CPA3: variants seen among roughly 807,000 people sequenced by gnomAD.
The protein encoded by CPA3 is mast cell carboxypeptidase A.
A neutral mutation model predicts 55.8 loss-of-function variants in CPA3; 52 were observed. That is an observed-to-expected ratio of 0.93 (90% confidence interval 0.75 to 1.17). The LOEUF (loss-of-function observed/expected upper bound fraction) is 1.17, where lower values mean the gene tolerates loss of function less well. CPA3 is among the 50% of genes most tolerant of loss of function. CPA3 has a pLI of 0.00. For missense variants in CPA3, 547 were observed against 509.1 expected, an observed-to-expected ratio of 1.07 and a Z score of -0.72; for synonymous variants, 179 against 171.2, an observed-to-expected ratio of 1.05 and a Z score of -0.36.
chr3:148,890,147 G>A (rs1263178097), intron 10 of CPA3, among the ~76,000 whole-genome samples: 2 of 152,062 alleles, frequency 1.3e-5, no homozygotes, highest in African/African-American at 4.8e-5. Flanking sequence ...GAGTTAAAAT[G>A]GTATACCTAC....
chr3:148,880,531 C>A (rs903375329), intron 6 of CPA3, among the ~76,000 whole-genome samples: 5 of 152,038 alleles, frequency 3.3e-5, no homozygotes, highest in African/African-American at 4.8e-5. Context: ...TGGATTTTGC[C>A]ATGTTGGCCA....
chr3:148,867,003 G>A (rs531351623), intron 2 of CPA3, among the ~76,000 whole-genome samples: 2 of 152,048 alleles, frequency 1.3e-5, no homozygotes, highest in East Asian at 1.9e-4. Flanking sequence ...TGATCCACCC[G>A]CCTCAGCCTC....
At chr3:148,873,060 A>T (rs1352709375) in intron 3 of CPA3, among the ~76,000 whole-genome samples, 2 of 139,982 alleles carry the variant, frequency 1.4e-5, no homozygotes, top group African/African-American at 2.7e-5. Context: ...ACACACACAC[A>T]CTCACACAGA....
At chr3:148,877,859 G>A (rs1369770966) in intron 3 of CPA3, among the ~76,000 whole-genome samples, 4 of 152,130 alleles carry the variant, frequency 2.6e-5, no homozygotes, top group Non-Finnish European at 5.9e-5. Flanking sequence ...TATAAGGTAT[G>A]ATCTGTAGAT....
At chr3:148,866,434 C>T (rs1285592116) in intron 2 of CPA3, among the ~76,000 whole-genome samples, 1 of 152,254 alleles carries the variant, frequency 6.6e-6, no homozygotes, top group Non-Finnish European at 1.5e-5. Flanking sequence ...AGTCTTGACT[C>T]CCACAAAGCC....
At chr3:148,870,951 T>C (rs188440790) in intron 3 of CPA3, among the ~76,000 whole-genome samples, 1 of 152,308 alleles carries the variant, frequency 6.6e-6, no homozygotes, top group East Asian at 1.9e-4. Context: ...CAGACTGGAG[T>C]GCAGTGGCGC....
chr3:148,878,281 T>C (rs1323364197), intron 3 of CPA3, among the ~76,000 whole-genome samples, 160 bp from the exon 4 acceptor site: 1 of 152,096 alleles, frequency 6.6e-6, no homozygotes, highest in Non-Finnish European at 1.5e-5. Context: ...GCCAGACACA[T>C]GATATGTCTA....
At chr3:148,893,819 A>G (rs1714740916) in intron 10 of CPA3, among the ~76,000 whole-genome samples, 3 of 152,258 alleles carry the variant, frequency 2.0e-5, no homozygotes, top group Non-Finnish European at 2.9e-5. Context: ...TTCCAGTGAC[A>G]GCAGATTTTT....
At chr3:148,874,726 C>T (rs1209717169) in intron 3 of CPA3, among the ~76,000 whole-genome samples, 11 of 152,172 alleles carry the variant, frequency 7.2e-5, no homozygotes, top group African/African-American at 2.7e-4. Flanking sequence ...CATCAGAACT[C>T]AGATCAGTCA....
At chr3:148,892,744 G>T (rs545146874) in intron 10 of CPA3, among the ~76,000 whole-genome samples, 1 of 151,998 alleles carries the variant, frequency 6.6e-6, no homozygotes, top group Admixed American at 6.6e-5. Context: ...TTGGGAGGCC[G>T]AGGTAGGCAG....
At chr3:148,889,398 C>T (rs1233403997) in intron 10 of CPA3, among the ~76,000 whole-genome samples, 1 of 152,050 alleles carries the variant, frequency 6.6e-6, no homozygotes, top group Non-Finnish European at 1.5e-5. Flanking sequence ...ACTGGGGGAG[C>T]ATTTTTTAAA....
At chr3:148,866,074 A>T (rs1257420710) in intron 2 of CPA3, among the ~76,000 whole-genome samples, 1 of 152,228 alleles carries the variant, frequency 6.6e-6, no homozygotes, top group Non-Finnish European at 1.5e-5. Context: ...GCTCCTATTT[A>T]TGTTGCACCA....
intron 8 of CPA3, 85 bp from the exon 9 acceptor site, chr3:148,883,528 C>T (rs1039354486): frequency 9.0e-7 from 1 of 1,109,904 alleles, no homozygotes; most frequent in Non-Finnish European, 1.3e-6. Flanking sequence ...TTAAAACATT[C>T]TGTGAATCTA....
intron 3 of CPA3, among the ~76,000 whole-genome samples, chr3:148,874,445 A>C (rs545269663): frequency 2.6e-5 from 4 of 152,156 alleles, no homozygotes; most frequent in Admixed American, 6.5e-5. Flanking sequence ...GTCTGTAATG[A>C]CCACCCAAAA....
In CPA3 at chr3:148,879,864, C is replaced by T. The variant is rs553767929; in HGVS notation, c.551C>T (p.Ala184Val). The change falls in exon 6 of 11, where the codon GCA (alanine) becomes GTA (valine). Residue 184 changes from alanine to valine, a missense_variant. By Grantham distance (64) the Ala-to-Val change is moderately conservative. Transcript: ENST00000296046. ...GIHAREWVSP[A>V]FCQWFVYQAT... ...CACGCACGAGAATGGGTCTCCCCAG[C>T]ATTCTGCCAGTGGTTTGTCTATCAG... 6.2e-7 allele frequency: 1 copy of T among 1,612,278 alleles called. No individual in the cohort carries two copies. The highest frequency in any genetic ancestry group is 8.5e-7 in the Non-Finnish European group (1 of 1,178,464).
At chr3:148,865,707 T>C (rs1713883857) in intron 2 of CPA3, among the ~76,000 whole-genome samples, 159 bp downstream of exon 2, 1 of 152,208 alleles carries the variant, frequency 6.6e-6, no homozygotes, top group South Asian at 2.1e-4. Flanking sequence ...ATACTTCACC[T>C]GTTCTGGTTT....
At chr3:148,875,122 G>C (rs1714171814) in intron 3 of CPA3, among the ~76,000 whole-genome samples, 1 of 152,172 alleles carries the variant, frequency 6.6e-6, no homozygotes, top group Non-Finnish European at 1.5e-5. Flanking sequence ...GTCACTCACT[G>C]CTTCCTTATT....
chr3:148,885,147 T>C (rs1714492915), intron 9 of CPA3, among the ~76,000 whole-genome samples: 1 of 152,066 alleles, frequency 6.6e-6, no homozygotes, highest in Non-Finnish European at 1.5e-5. Context: ...CCACCCTTCT[T>C]CCCTTGGTAT....
At chr3:148,883,953 T>TA in intron 9 of CPA3, 138 bp downstream of exon 9, 1 of 652,874 alleles carries the variant, frequency 1.5e-6, no homozygotes, top group South Asian at 1.9e-5. Flanking sequence ...GCCTTGAAGT[T>TA]AAAATCATGA....
Sources: gnomAD v4.1 joint callset for allele counts (sites outside exome capture counted in the v4.1 genomes callset) on GRCh38, gnomAD v4.1.1 for gene constraint, MANE v1.5 for transcripts, NCBI Gene and HGNC (gene_info 2026-07-23, HGNC 2026-07-21) for gene names.